The following FANCB variants were observed in gnomAD, a reference collection of about 807,000 sequenced individuals.
The protein encoded by FANCB is FA complementation group B, also known as Fanconi anemia group B protein.
FANCB carries 5 observed loss-of-function variants against 38.9 expected under a neutral mutation model. The observed-to-expected ratio is 0.13, with a 90% CI of 0.07 to 0.27. The LOEUF (loss-of-function observed/expected upper bound fraction) is 0.27. Among genes scored for constraint, FANCB ranks in the 10% least tolerant of loss-of-function variants. FANCB has a pLI of 1.00. For synonymous variants in FANCB, 236 were observed against 215.4 expected, an observed-to-expected ratio of 1.10 and a Z score of -0.84; for missense variants, 573 against 602.7, an observed-to-expected ratio of 0.95 and a Z score of 0.52.
At chrX:14,814,647 C>T in the FANCB span, among the ~76,000 whole-genome samples, 3 of 112,065 alleles carry the variant, frequency 2.7e-5, no homozygotes, top group Admixed American at 1.9e-4. Context: ...GTTAGAATGG[C>T]AATCATTAAA....
At chrX:14,718,195 C>T in the FANCB span, among the ~76,000 whole-genome samples, 2 of 111,311 alleles carry the variant, frequency 1.8e-5, no homozygotes, top group Admixed American at 1.9e-4. Flanking sequence ...ATACAGGCAG[C>T]TCACTGCACA....
At chrX:14,721,323 A>C in the FANCB span, among the ~76,000 whole-genome samples, 1 of 66,923 alleles carries the variant, frequency 1.5e-5, no homozygotes, top group African/African-American at 6.9e-5. Context: ...ATAGATTTTA[A>C]GTGTTCTCAC....
At chrX:14,744,302 G>T in the FANCB span, among the ~76,000 whole-genome samples, 3 of 111,972 alleles carry the variant, frequency 2.7e-5, no homozygotes, top group African/African-American at 9.7e-5. Context: ...CTATTTCACA[G>T]GGTTCTAATG....
chrX:14,789,520 A>G, the FANCB span, among the ~76,000 whole-genome samples: 1 of 112,254 alleles, frequency 8.9e-6, no homozygotes, highest in African/African-American at 3.2e-5. Flanking sequence ...TATAAGAATT[A>G]TAACAATGAA....
intron 3 of FANCB, among the ~76,000 whole-genome samples, chrX:14,859,931 T>C (rs1459741869): frequency 9.0e-6 from 1 of 111,285 alleles, no homozygotes; most frequent in Non-Finnish European, 1.9e-5. Flanking sequence ...AACCCTGATG[T>C]GGGTGTGGAG....
intron 6 of FANCB, among the ~76,000 whole-genome samples, chrX:14,852,632 T>C (rs775055332): frequency 5.3e-5 from 6 of 112,251 alleles, no homozygotes; most frequent in African/African-American, 1.6e-4. Flanking sequence ...ATCATTATCC[T>C]AATAATAAAA....
chrX:14,756,384 C>A, the FANCB span, among the ~76,000 whole-genome samples: 1 of 112,013 alleles, frequency 8.9e-6, no homozygotes, highest in African/African-American at 3.2e-5. Flanking sequence ...AATGAAGAGA[C>A]AACTGATAGG....
chrX:14,811,905 T>C, the FANCB span, among the ~76,000 whole-genome samples: 1 of 111,544 alleles, frequency 9.0e-6, no homozygotes, highest in Non-Finnish European at 1.9e-5. Flanking sequence ...ATTGACCACA[T>C]AGTTGGAAGT....
At chrX:14,836,607 A>G (rs2092341824) in intron 10 of FANCB, among the ~76,000 whole-genome samples, 1 of 112,338 alleles carries the variant, frequency 8.9e-6, no homozygotes, top group Non-Finnish European at 1.9e-5. Context: ...CTTCAAAATC[A>G]TGATTTAAAT....
At chrX:14,764,038 G>A in the FANCB span, among the ~76,000 whole-genome samples, 1 of 111,646 alleles carries the variant, frequency 9.0e-6, no homozygotes, top group East Asian at 2.8e-4. Context: ...ATCTATTGCT[G>A]TGTAACAAAT....
At chrX:14,770,604 G>A in the FANCB span, among the ~76,000 whole-genome samples, 2 of 111,740 alleles carry the variant, frequency 1.8e-5, no homozygotes, top group East Asian at 2.8e-4. Flanking sequence ...CATTCTGTGC[G>A]TTTTATTTGG....
the FANCB span, among the ~76,000 whole-genome samples, chrX:14,729,286 CAGA>C: frequency 5.4e-5 from 6 of 111,416 alleles, no homozygotes; most frequent in Non-Finnish European, 7.5e-5. Context: ...AATCTAGTTA[CAGA>C]AGAAGATAAT....
At chrX:14,703,537 C>T in the FANCB span, among the ~76,000 whole-genome samples, 1 of 111,899 alleles carries the variant, frequency 8.9e-6, no homozygotes, top group Non-Finnish European at 1.9e-5. Context: ...CAAAGCCCCT[C>T]TGCTTTGTAG....
At chrX:14,778,210 T>C in the FANCB span, among the ~76,000 whole-genome samples, 1 of 111,864 alleles carries the variant, frequency 8.9e-6, no homozygotes, top group African/African-American at 3.2e-5. Flanking sequence ...ATTTCTTTAG[T>C]CCAGTGATTC....
In FANCB at chrX:14,843,820, G is replaced by A. The variant is rs761492600; in HGVS notation, c.2327C>T (p.Ala776Val). ...ELVTLSSLSS[A>V]IAKHESNFMQ... is the part of the protein sequence containing the mutation. ...AAAATTGCTTTCATGTTTAGCTATG[G>A]CAGAAGAAAGAGAACTAAGGGTGAC... The change falls in exon 10 of 10, where the codon GCC becomes GTC. Residue 776 changes from alanine (A) to valine (V), a missense_variant. Ala to Val is a moderately conservative substitution (Grantham distance 64). Transcript: ENST00000650831. 2.6e-5 allele frequency: 31 copies of A among 1,208,221 alleles called. No individual in the cohort carries two copies. The highest frequency in any genetic ancestry group is 2.3e-4 in the Middle Eastern group (1 of 4,368).
chrX:14,763,400 C>T, the FANCB span, among the ~76,000 whole-genome samples: 1 of 111,731 alleles, frequency 9.0e-6, no homozygotes, highest in Non-Finnish European at 1.9e-5. Context: ...AACTTAGCAT[C>T]GCGGGGGAAA....
chrX:14,811,796 G>A, the FANCB span, among the ~76,000 whole-genome samples: 2 of 111,404 alleles, frequency 1.8e-5, no homozygotes, highest in African/African-American at 6.5e-5. Flanking sequence ...ATTGAACTCA[G>A]CTCTGCACCA....
the FANCB span, among the ~76,000 whole-genome samples, chrX:14,762,260 AG>A: frequency 9.0e-6 from 1 of 111,248 alleles, no homozygotes; most frequent in Non-Finnish European, 1.9e-5. Flanking sequence ...CGCATCCATG[AG>A]GGTGCTGCCC....
At chrX:14,725,437 G>A in the FANCB span, among the ~76,000 whole-genome samples, 7 of 111,056 alleles carry the variant, frequency 6.3e-5, no homozygotes, top group Non-Finnish European at 1.1e-4. Flanking sequence ...CTTGCATTGA[G>A]TGAGACTCAC....
Sources: allele counts gnomAD v4.1 joint callset (sites outside exome capture counted in the v4.1 genomes callset), GRCh38; gene constraint gnomAD v4.1.1; transcripts MANE v1.5; gene names NCBI Gene and HGNC (gene_info 2026-07-23, HGNC 2026-07-21).